The following FSIP1 variants were observed in gnomAD, a reference collection of about 807,000 sequenced individuals.
FSIP1 encodes fibrous sheath-interacting protein 1.
FSIP1 carries 65 observed loss-of-function variants against 60.9 expected under a neutral mutation model. The observed-to-expected ratio is 1.07, with a 90% confidence interval of 0.87 to 1.31. FSIP1 has a LOEUF of 1.31. Among genes scored for constraint, FSIP1 ranks in the 40% most tolerant of loss-of-function variants. FSIP1 has a pLI of 0.00. For missense variants in FSIP1, 675 were observed against 665.5 expected, an observed-to-expected ratio of 1.01 and a Z score of -0.16; for synonymous variants, 209 against 221.2, an observed-to-expected ratio of 0.94 and a Z score of 0.49.
In FSIP1 at chr15:39,641,766, A is replaced by C. The variant is rs1892380775; in HGVS notation, c.1189-23521T>G. 7.2e-5 allele frequency among the ~76,000 whole-genome samples: 11 copies of C among 152,298 alleles called. No individual in the cohort carries two copies. In the South Asian group the frequency reaches 2.3e-3, roughly 32 times the overall value. On this transcript the variant is annotated intron_variant, in intron 10 of 11. Transcript: ENST00000350221. ...TCCTATGTCATAACAAAACCGCGCA[A>C]GACTATAACGTAAGCCTCACTACCC...
intron 3 of FSIP1, among the ~76,000 whole-genome samples, chr15:39,769,231 A>G (rs367761518): frequency 3.6e-4 from 54 of 151,292 alleles, no homozygotes; most frequent in African/African-American, 1.3e-3. Context: ...GTGAGCCGAG[A>G]TCGCGCCACT....
chr15:39,610,435 A>C (rs1890985468), intron 11 of FSIP1, among the ~76,000 whole-genome samples: 1 of 152,194 alleles, frequency 6.6e-6, no homozygotes, highest in Non-Finnish European at 1.5e-5. Flanking sequence ...TAATCCCAGC[A>C]CTTTGGGAGG....
chr15:39,612,741 A>G (rs1891080874), intron 11 of FSIP1, among the ~76,000 whole-genome samples: 1 of 152,174 alleles, frequency 6.6e-6, no homozygotes, highest in African/African-American at 2.4e-5. Context: ...ACAAACCCTT[A>G]GCTAGACTAA....
chr15:39,667,023 C>A (rs1893522516), intron 10 of FSIP1, among the ~76,000 whole-genome samples: 1 of 152,194 alleles, frequency 6.6e-6, no homozygotes, highest in Admixed American at 6.5e-5. Flanking sequence ...CTCTTCCTTA[C>A]TATCACAAGA....
chr15:39,764,596 A>C (rs1897617812), intron 4 of FSIP1, among the ~76,000 whole-genome samples: 1 of 152,218 alleles, frequency 6.6e-6, no homozygotes, highest in Admixed American at 6.5e-5. Flanking sequence ...TCAAAATTGA[A>C]ATATGAGCCA....
In FSIP1 at chr15:39,713,439, C is replaced by T. The variant is rs1369994449; in HGVS notation, c.1188+5G>A. Reference sequence around the variant, plus strand: ...AAAAAAATTAATTAAAACAAAAAGACTTACCACATTTTCCTTCATCATTTT... The same window carrying T: ...AAAAAAATTAATTAAAACAAAAAGATTTACCACATTTTCCTTCATCATTTT... On this transcript the variant is annotated splice_donor_5th_base_variant and intron_variant, in intron 10 of 11. Transcript: ENST00000350221. The T allele has an allele frequency of 1.3e-6, 2 of 1,587,042 alleles. No individual in the cohort carries two copies. Among genetic ancestry groups the T allele is most frequent in the African/African-American group, 2.7e-5 (2 of 72,828 alleles).
intron 10 of FSIP1, among the ~76,000 whole-genome samples, chr15:39,665,090 C>T (rs1293989261): frequency 1.3e-5 from 2 of 152,174 alleles, no homozygotes; most frequent in East Asian, 1.9e-4. Flanking sequence ...CCACTCCCAT[C>T]GAAAGCTTCA....
rs371457746 is a variant in FSIP1, at chr15:39,739,728, C to T, written c.717G>A (p.Ser239=). The stretch of plus-strand genomic sequence containing the variant: ...CCCTGAGCTCAATCTTTTCTGTATT[C>T]GAGAAAGGTTTCTTTCCTGATTTGA... ...SLIKSGKKPF[S]NTEKIELRGK... is the part of the protein sequence containing the mutation. Residue 239 remains serine, a synonymous_variant, in exon 7 of 12, where the codon TCG becomes TCA. Coordinates refer to ENST00000350221, the MANE Select transcript of FSIP1 (RefSeq NM_152597.5). 25 of 1,598,114 alleles carry T rather than the reference C, an allele frequency of 1.6e-5. No homozygotes were observed. In the African/African-American group the frequency reaches 2.2e-4, roughly 14 times the overall value.
intron 5 of FSIP1, among the ~76,000 whole-genome samples, chr15:39,761,100 G>C (rs963928287): frequency 2.6e-5 from 4 of 152,138 alleles, no homozygotes; most frequent in African/African-American, 9.7e-5. Flanking sequence ...TGGATTAAAG[G>C]AAACCCTTGC....
rs147752515 is a variant in FSIP1, at chr15:39,623,295, T to C, written c.1189-5050A>G. Among the ~76,000 whole-genome samples the C allele has an allele frequency of 8.5e-5, 13 of 152,298 alleles. No individual in the cohort carries two copies. The East Asian group carries it at 2.5e-3, about 29-fold the overall frequency. ...AAGATTATGTCCCTGGTGCAGATAA[T>C]CAGAAAGTCTACCCATTATAAACCA... is the stretch of plus-strand genomic sequence containing the variant. On this transcript the variant is annotated intron_variant, in intron 10 of 11. Transcript: ENST00000350221.
chr15:39,618,092 T>C lies in FSIP1; in HGVS notation c.1342A>G (p.Ile448Val), dbSNP rs778539429. ...TPVFPQLSRS[I>V]ISKLLNESET... ...GATTCATTTAGCAATTTAGAGATGA[T>C]GGACCTGGAAAGCTGGGGGAACACA... Residue 448 changes from isoleucine (I) to valine (V), a missense_variant, in exon 11 of 12, where the codon ATC (isoleucine) becomes GTC (valine). Transcript: ENST00000350221. 6.2e-7 allele frequency: 1 copy of C among 1,614,194 alleles called. No homozygotes were observed. Among genetic ancestry groups the C allele is most frequent in the South Asian group, 1.1e-5 (1 of 91,086 alleles).
At chr15:39,751,572 T>C (rs937950154) in intron 5 of FSIP1, among the ~76,000 whole-genome samples, 5 of 151,154 alleles carry the variant, frequency 3.3e-5, no homozygotes, top group Admixed American at 6.6e-5. Flanking sequence ...TACCGCATGA[T>C]CATGATCTCA....
intron 10 of FSIP1, among the ~76,000 whole-genome samples, chr15:39,629,740 G>C (rs541105804): frequency 6.6e-6 from 1 of 152,206 alleles, no homozygotes; most frequent in South Asian, 2.1e-4. Flanking sequence ...GAGCCTCGTT[G>C]AATCAGAATG....
At chr15:39,705,971 C>T (rs539899137) in intron 10 of FSIP1, among the ~76,000 whole-genome samples, 8 of 148,274 alleles carry the variant, frequency 5.4e-5, no homozygotes, top group Non-Finnish European at 8.9e-5. Context: ...GCACTCCAGC[C>T]TAGGCAACAG....
At chr15:39,755,257 A>G (rs1897266192) in intron 5 of FSIP1, among the ~76,000 whole-genome samples, 1 of 152,138 alleles carries the variant, frequency 6.6e-6, no homozygotes, top group Non-Finnish European at 1.5e-5. Flanking sequence ...ACACAGTGAA[A>G]GGGATGGGAT....
At chr15:39,628,814 C>T (rs1891752587) in intron 10 of FSIP1, among the ~76,000 whole-genome samples, 1 of 152,208 alleles carries the variant, frequency 6.6e-6, no homozygotes, top group Admixed American at 6.5e-5. Context: ...TTCAAAGTCT[C>T]AGATTTCTAG....
At chr15:39,666,065 C>G (rs577522020) in intron 10 of FSIP1, among the ~76,000 whole-genome samples, 3 of 152,156 alleles carry the variant, frequency 2.0e-5, no homozygotes, top group South Asian at 4.1e-4. Flanking sequence ...CAATTTGGAG[C>G]CTCTGGTTAA....
chr15:39,712,507 A>G (rs1895560820), intron 10 of FSIP1, among the ~76,000 whole-genome samples: 1 of 152,236 alleles, frequency 6.6e-6, no homozygotes, highest in Admixed American at 6.5e-5. Flanking sequence ...ACTCAGGAAG[A>G]ATATGGCAAC....
intron 10 of FSIP1, among the ~76,000 whole-genome samples, chr15:39,675,048 T>A (rs964318396): frequency 2.0e-5 from 3 of 151,812 alleles, no homozygotes; most frequent in Non-Finnish European, 2.9e-5. Context: ...GCTTTTTTTT[T>A]AAAGGGGGGG....
Sources: allele counts gnomAD v4.1 joint callset (sites outside exome capture counted in the v4.1 genomes callset), GRCh38; gene constraint gnomAD v4.1.1; transcripts MANE v1.5; gene names NCBI Gene and HGNC (gene_info 2026-07-23, HGNC 2026-07-21).